The following ARHGAP15 variants were observed in gnomAD, a reference collection of about 807,000 sequenced individuals.
ARHGAP15 encodes rho GTPase-activating protein 15.
Under a neutral mutation model 63.7 loss-of-function variants are expected in ARHGAP15, and 51 were observed. That is an observed-to-expected ratio of 0.80 (90% confidence interval 0.64 to 1.01). The LOEUF (loss-of-function observed/expected upper bound fraction) is 1.01. ARHGAP15 is among the 50% of genes least tolerant of loss of function. The probability of loss-of-function intolerance (pLI) is 0.00; values close to 1 mark genes in which losing one functional copy is unlikely to be tolerated. For missense variants in ARHGAP15, 560 were observed against 564.6 expected (o/e 0.99, Z 0.08); for synonymous variants, 191 against 193.8 (o/e 0.99, Z 0.12).
At chr2:143,371,858 C>T (rs1192406830) in intron 6 of ARHGAP15, among the ~76,000 whole-genome samples, 1 of 152,062 alleles carries the variant, frequency 6.6e-6, no homozygotes, top group South Asian at 2.1e-4. Context: ...TGAGAAGCAA[C>T]TTAATGATTT....
At chr2:143,291,469 G>GTGT (rs1468106495) in intron 6 of ARHGAP15, among the ~76,000 whole-genome samples, 1 of 148,688 alleles carries the variant, frequency 6.7e-6, no homozygotes, top group African/African-American at 2.5e-5. Context: ...TGCTTGCTAA[G>GTGT]TGTTATGCCA....
intron 8 of ARHGAP15, among the ~76,000 whole-genome samples, chr2:143,444,035 G>A (rs1042662101): frequency 6.6e-6 from 1 of 152,110 alleles, no homozygotes; most frequent in African/African-American, 2.4e-5. Flanking sequence ...CCATTGTCGT[G>A]TATCTCATAG....
chr2:143,291,983 T>C (rs1195723850), intron 6 of ARHGAP15, among the ~76,000 whole-genome samples: 1 of 152,154 alleles, frequency 6.6e-6, no homozygotes, highest in East Asian at 1.9e-4. Context: ...TGGGAAGTTT[T>C]AAGACACTTT....
At chr2:143,654,055 A>T (rs1681308548) in intron 12 of ARHGAP15, among the ~76,000 whole-genome samples, 1 of 152,168 alleles carries the variant, frequency 6.6e-6, no homozygotes. Context: ...GGGGCTAGGG[A>T]GTCAGTGAAG....
Position 143,436,998 on chromosome 2 carries a change from A to G in ARHGAP15, c.659A>G (p.Asp220Gly). The change falls in exon 8 of 14, where the codon GAC (aspartate) becomes GGC (glycine). Residue 220 changes from aspartate (D) to glycine (G), a missense_variant. By Grantham distance (94) the Asp-to-Gly change is moderately conservative. Coordinates refer to ENST00000295095, the MANE Select transcript of ARHGAP15 (RefSeq NM_018460.4). ...AGCACTGAATTGCTAAGTCACTACG[A>G]CAGTGATATAAAAGAACAGAAACCA... ...SSSTELLSHY[D>G]SDIKEQKPEH... 6.2e-7 allele frequency: 1 copy of G among 1,607,066 alleles called. No homozygotes were observed. The highest frequency in any genetic ancestry group is 8.5e-7 in the Non-Finnish European group (1 of 1,177,966).
At chr2:143,544,993 T>C (rs1342814550) in intron 10 of ARHGAP15, among the ~76,000 whole-genome samples, 1 of 152,226 alleles carries the variant, frequency 6.6e-6, no homozygotes, top group Non-Finnish European at 1.5e-5. Context: ...ACCTTCTTCT[T>C]TGCCTGGGAA....
intron 6 of ARHGAP15, among the ~76,000 whole-genome samples, chr2:143,402,026 C>G (rs1395105283): frequency 6.6e-6 from 1 of 151,750 alleles, no homozygotes; most frequent in South Asian, 2.1e-4. Context: ...ACAGACAGAA[C>G]AGAAGAAAGA....
chr2:143,620,318 C>T (rs1574718623), intron 11 of ARHGAP15, among the ~76,000 whole-genome samples: 1 of 152,150 alleles, frequency 6.6e-6, no homozygotes, highest in African/African-American at 2.4e-5. Context: ...CACTCCATTG[C>T]TACCTAACAA....
chr2:143,353,570 A>G (rs980205202), intron 6 of ARHGAP15, among the ~76,000 whole-genome samples: 20 of 152,130 alleles, frequency 1.3e-4, no homozygotes, highest in African/African-American at 4.8e-4. Flanking sequence ...ATTCAGTTAG[A>G]TAAATGAACC....
At chr2:143,439,358 A>G (rs4580332) in intron 8 of ARHGAP15, among the ~76,000 whole-genome samples, 129,787 of 145,354 alleles carry the variant, frequency 0.89, 58,232 homozygotes, top group Middle Eastern at 0.97. Flanking sequence ...GGGAGGCGGA[A>G]GTTGCAGTGA....
At position 143,670,187 on chromosome 2, in the gene ARHGAP15, C is replaced by A. The variant is rs143310152; in HGVS notation, c.1139-33232C>A. Among the ~76,000 whole-genome samples, 8 of 152,254 alleles carry A rather than the reference C, an allele frequency of 5.3e-5. No individual in the cohort carries two copies. The East Asian group carries it at 1.4e-3, about 26-fold the overall frequency. ...GCTTCTCAACATCCTCTGAGCAAAC[C>A]CACTTCTGCTCCCAACCACATTTCA... On this transcript the variant is annotated intron_variant, in intron 12 of 13. Coordinates refer to ENST00000295095, the MANE Select transcript of ARHGAP15 (RefSeq NM_018460.4).
chr2:143,765,958 A>G (rs1243501099), intron 13 of ARHGAP15, among the ~76,000 whole-genome samples: 2 of 152,176 alleles, frequency 1.3e-5, no homozygotes, highest in Non-Finnish European at 2.9e-5. Flanking sequence ...GTAGTTGATT[A>G]TTATTAATAT....
intron 2 of ARHGAP15, among the ~76,000 whole-genome samples, chr2:143,191,167 A>G (rs1467959854): frequency 6.6e-6 from 1 of 152,220 alleles, no homozygotes; most frequent in African/African-American, 2.4e-5. Context: ...AGTATTATAT[A>G]TGCTACGCAG....
At chr2:143,261,044 G>C (rs1013287461) in intron 6 of ARHGAP15, among the ~76,000 whole-genome samples, 1 of 152,138 alleles carries the variant, frequency 6.6e-6, no homozygotes, top group Admixed American at 6.5e-5. Context: ...CTCCATAATA[G>C]AGATAGTAAA....
intron 8 of ARHGAP15, among the ~76,000 whole-genome samples, chr2:143,471,773 A>T (rs1691588871): frequency 6.6e-6 from 1 of 152,182 alleles, no homozygotes; most frequent in Non-Finnish European, 1.5e-5. Flanking sequence ...TGAATGACTG[A>T]TAAGAAGTGT....
chr2:143,367,699 T>C (rs960481280), intron 6 of ARHGAP15, among the ~76,000 whole-genome samples: 7 of 152,040 alleles, frequency 4.6e-5, no homozygotes, highest in Non-Finnish European at 1.0e-4. Flanking sequence ...GTTGTTGCTT[T>C]TTAAATATCC....
In ARHGAP15 at chr2:143,268,395, A is replaced by G. The variant is rs373340618; in HGVS notation, c.474+17795A>G. On this transcript the variant is annotated intron_variant, in intron 6 of 13. Transcript: ENST00000295095. ...AAAAGCAGAAAAATTCTGTCAAACA[A>G]TTAAACTGATTGGAATTCCCAAGAA... Among the ~76,000 whole-genome samples the G allele has an allele frequency of 1.5e-4, 23 of 152,270 alleles. No homozygotes were observed. The East Asian group carries it at 3.5e-3, about 23-fold the overall frequency.
intron 12 of ARHGAP15, among the ~76,000 whole-genome samples, chr2:143,670,819 T>C (rs1275126716): frequency 1.3e-5 from 2 of 152,190 alleles, no homozygotes; most frequent in African/African-American, 4.8e-5. Flanking sequence ...TTAAGGAAAA[T>C]AATTGCTTTG....
At chr2:143,432,051 G>C (rs905894102) in intron 6 of ARHGAP15, among the ~76,000 whole-genome samples, 3 of 151,720 alleles carry the variant, frequency 2.0e-5, no homozygotes, top group African/African-American at 7.3e-5. Flanking sequence ...ATTTCTGTTT[G>C]GTTATTATTT....
Sources: allele counts gnomAD v4.1 joint callset (sites outside exome capture counted in the v4.1 genomes callset), GRCh38; gene constraint gnomAD v4.1.1; transcripts MANE v1.5; gene names NCBI Gene and HGNC (gene_info 2026-07-23, HGNC 2026-07-21).